Variants in NKAIN3 observed in about 807,000 individuals in gnomAD.
NKAIN3 encodes sodium/potassium-transporting ATPase subunit beta-1-interacting protein 3.
In NKAIN3, 25 loss-of-function variants were observed where a neutral mutation model predicts 30.2. That is an observed-to-expected ratio of 0.83 (90% CI 0.60 to 1.16). The LOEUF is 1.16. Ranked by LOEUF, NKAIN3 falls within the 50% of genes most tolerant of loss-of-function variation. The pLI, the probability that NKAIN3 is intolerant of heterozygous loss-of-function variation, is 0.00. For synonymous variants in NKAIN3, 91 were observed against 89.6 expected (o/e 1.02, Z -0.09); for missense variants, 225 against 254.1 (o/e 0.89, Z 0.78).
intron 2 of NKAIN3, among the ~76,000 whole-genome samples, chr8:62,584,769 A>G (rs189855953): frequency 8.5e-5 from 13 of 152,310 alleles, no homozygotes; most frequent in Admixed American, 7.8e-4. Context: ...CACTGAATGC[A>G]AGGGAAAGTA....
At chr8:62,893,127 G>A (rs928514448) in intron 4 of NKAIN3, among the ~76,000 whole-genome samples, 1 of 152,152 alleles carries the variant, frequency 6.6e-6, no homozygotes, top group Non-Finnish European at 1.5e-5. Context: ...TAAATGCAGA[G>A]ACCTACAAAT....
chr8:62,796,018 G>A (rs1376793906), intron 4 of NKAIN3, among the ~76,000 whole-genome samples: 1 of 152,024 alleles, frequency 6.6e-6, no homozygotes, highest in African/African-American at 2.4e-5. Context: ...CCAAAAAAAT[G>A]ACTGTCTTCA....
chr8:62,962,713 G>A (rs746434076), intron 6 of NKAIN3, among the ~76,000 whole-genome samples: 5 of 152,144 alleles, frequency 3.3e-5, no homozygotes, highest in South Asian at 2.1e-4. Context: ...AGTTAGAGAC[G>A]CATGGAGATA....
intron 1 of NKAIN3, among the ~76,000 whole-genome samples, chr8:62,405,159 C>T (rs1392718333): frequency 5.3e-5 from 8 of 152,114 alleles, no homozygotes; most frequent in Admixed American, 4.6e-4. Flanking sequence ...TTACTTTTCC[C>T]TCTCCTCTCC....
intron 1 of NKAIN3, among the ~76,000 whole-genome samples, chr8:62,377,439 G>C (rs145774989): frequency 1.3e-3 from 195 of 152,216 alleles, no homozygotes; most frequent in African/African-American, 4.2e-3. Context: ...CAAAGGTGAA[G>C]TTTCAGTCAT....
chr8:62,647,513 G>T (rs960501819), intron 3 of NKAIN3, among the ~76,000 whole-genome samples: 1 of 152,170 alleles, frequency 6.6e-6, no homozygotes, highest in Non-Finnish European at 1.5e-5. Flanking sequence ...GTTTGGCAGG[G>T]ATCTCCGACC....
rs1432784128 is a variant in NKAIN3 at position 62,983,927 on chromosome 8, C to T, written c.*18520C>T. On this transcript the variant is annotated 3_prime_UTR_variant, in exon 7 of 7. Coordinates refer to ENST00000623646, the MANE Select transcript of NKAIN3 (RefSeq NM_001304533.3). ...TGATCTGAGAATGGTGACTTTGGAC[C>T]CAGTTTGACTGGTTAGCGTTTAAAT... 2 of 152,074 alleles carry T rather than the reference C, an allele frequency of 1.3e-5. No homozygotes were observed. Among genetic ancestry groups the T allele is most frequent in the Admixed American group, 1.3e-4 (2 of 15,276 alleles). 9.4% of individuals were successfully genotyped at this position (152,074 alleles called of 1,614,324 possible). A position where few individuals can be genotyped will look rare whatever the true frequency, so the allele number is the denominator to read the frequency against.
At chr8:62,438,075 TG>T (rs1805222455) in intron 1 of NKAIN3, among the ~76,000 whole-genome samples, 1 of 152,184 alleles carries the variant, frequency 6.6e-6, no homozygotes, top group Admixed American at 6.5e-5. Context: ...AACTGTACTG[TG>T]GGTCCCATGA....
At chr8:62,462,780 G>T (rs1434881065) in intron 1 of NKAIN3, among the ~76,000 whole-genome samples, 2 of 152,128 alleles carry the variant, frequency 1.3e-5, no homozygotes, top group African/African-American at 4.8e-5. Context: ...CTGGTTCCTG[G>T]GGTCTGAGGA....
At chr8:62,878,724 A>T in intron 4 of NKAIN3, among the ~76,000 whole-genome samples, 1 of 129,398 alleles carries the variant, frequency 7.7e-6, no homozygotes, top group Non-Finnish European at 1.5e-5. Context: ...CTGTGTTCTC[A>T]TTGTTCAATT....
chr8:62,883,242 C>T (rs1341209833), intron 4 of NKAIN3, among the ~76,000 whole-genome samples: 1 of 151,992 alleles, frequency 6.6e-6, no homozygotes, highest in African/African-American at 2.4e-5. Context: ...TTAGTCAGAG[C>T]TTTGTAATTT....
intron 4 of NKAIN3, among the ~76,000 whole-genome samples, chr8:62,753,064 G>A (rs1387936526): frequency 1.3e-5 from 2 of 152,162 alleles, no homozygotes; most frequent in East Asian, 3.9e-4. Context: ...TACCTTAGTT[G>A]CTTTGCTTCC....
At chr8:62,320,340 A>T (rs1051378207) in intron 1 of NKAIN3, among the ~76,000 whole-genome samples, 6 of 151,992 alleles carry the variant, frequency 3.9e-5, no homozygotes, top group African/African-American at 1.5e-4. Context: ...ACATTTAAGG[A>T]TAATATTGTT....
chr8:62,705,002 C>T (rs1471148790), intron 3 of NKAIN3, among the ~76,000 whole-genome samples: 1 of 152,048 alleles, frequency 6.6e-6, no homozygotes, highest in South Asian at 2.1e-4. Context: ...TCTGAAAGTC[C>T]TTAAGAACTT....
At chr8:62,559,782 TCCA>T (rs1809512755) in intron 1 of NKAIN3, among the ~76,000 whole-genome samples, 1 of 152,138 alleles carries the variant, frequency 6.6e-6, no homozygotes, top group Admixed American at 6.6e-5. Context: ...CAATTTTGCT[TCCA>T]CCATAACATA....
At chr8:62,642,146 A>C (rs1217853408) in intron 3 of NKAIN3, among the ~76,000 whole-genome samples, 1 of 152,118 alleles carries the variant, frequency 6.6e-6, no homozygotes, top group South Asian at 2.1e-4. Context: ...GATGACAAAA[A>C]CAATGCTCCT....
chr8:62,712,220 C>A (rs542287470), intron 3 of NKAIN3, among the ~76,000 whole-genome samples: 1 of 152,082 alleles, frequency 6.6e-6, no homozygotes, highest in Non-Finnish European at 1.5e-5. Context: ...TGGCCTCCTG[C>A]GAGGAGGTGG....
At chr8:62,629,381 A>G (rs912841713) in intron 3 of NKAIN3, among the ~76,000 whole-genome samples, 1 of 152,086 alleles carries the variant, frequency 6.6e-6, no homozygotes, top group Non-Finnish European at 1.5e-5. Flanking sequence ...TTATTTATTG[A>G]ATACTTATAT....
At chr8:62,374,707 A>G (rs16928789) in intron 1 of NKAIN3, among the ~76,000 whole-genome samples, 26,294 of 152,130 alleles carry the variant, frequency 0.17, 2,627 homozygotes, top group East Asian at 0.4. Flanking sequence ...GAGGATTGAA[A>G]GATTGAAGTA....
Sources: allele counts gnomAD v4.1 joint callset (sites outside exome capture counted in the v4.1 genomes callset), GRCh38; gene constraint gnomAD v4.1.1; transcripts MANE v1.5; gene names NCBI Gene and HGNC (gene_info 2026-07-23, HGNC 2026-07-21).